The following WWC1 variants were observed in gnomAD, a reference collection of about 807,000 sequenced individuals.
WWC1 encodes the protein protein KIBRA.
Under a neutral mutation model 138.4 loss-of-function variants are expected in WWC1, and 55 were observed. That is an observed-to-expected ratio of 0.40 (90% CI 0.32 to 0.50). The LOEUF (loss-of-function observed/expected upper bound fraction) is 0.50, where lower values mean the gene tolerates loss of function less well. Ranked by LOEUF, WWC1 falls within the 20% of genes least tolerant of loss-of-function variation. The probability of loss-of-function intolerance (pLI) is 0.72; values close to 1 mark genes in which losing one functional copy is unlikely to be tolerated. For synonymous variants in WWC1, 524 were observed against 564.9 expected, an observed-to-expected ratio of 0.93 and a Z score of 1.03; for missense variants, 1,226 against 1,420.4, an observed-to-expected ratio of 0.86 and a Z score of 2.20.
At chr5:168,411,476 A>G (rs1220363839) in intron 8 of WWC1, among the ~76,000 whole-genome samples, 2 of 152,186 alleles carry the variant, frequency 1.3e-5, no homozygotes, top group Non-Finnish European at 2.9e-5. Context: ...AGAAAGCAAA[A>G]AAGGGAATGT....
chr5:168,306,342 G>A (rs2152744887), intron 1 of WWC1, among the ~76,000 whole-genome samples: 1 of 152,326 alleles, frequency 6.6e-6, no homozygotes, highest in South Asian at 2.1e-4. Flanking sequence ...GTTGCAGTGA[G>A]CTGAGATTGT....
intron 18 of WWC1, 118 bp from the exon 19 acceptor site, chr5:168,455,238 G>A (rs903272141): frequency 1.6e-6 from 2 of 1,282,632 alleles, no homozygotes; most frequent in South Asian, 1.6e-5. Flanking sequence ...GGAAACCCTG[G>A]TTGTGTCTGT....
intron 11 of WWC1, 57 bp from the exon 12 acceptor site, chr5:168,427,976 G>GA: frequency 6.8e-7 from 1 of 1,467,338 alleles, no homozygotes; most frequent in African/African-American, 1.4e-5. Context: ...ACAAAATTGG[G>GA]AGTCGCAAAG....
At chr5:168,434,496 C>T (rs1782197146) in intron 15 of WWC1, among the ~76,000 whole-genome samples, 1 of 152,210 alleles carries the variant, frequency 6.6e-6, no homozygotes. Context: ...GGGCTAAGAA[C>T]TTCATGTGCA....
At chr5:168,311,631 G>A (rs1771092559) in intron 1 of WWC1, among the ~76,000 whole-genome samples, 1 of 152,112 alleles carries the variant, frequency 6.6e-6, no homozygotes, top group Admixed American at 6.5e-5. Flanking sequence ...AGCACTTTGG[G>A]AGGCCAAGAC....
At chr5:168,370,895 G>A (rs145926208) in intron 1 of WWC1, among the ~76,000 whole-genome samples, 1 of 152,308 alleles carries the variant, frequency 6.6e-6, no homozygotes, top group East Asian at 1.9e-4. Context: ...AATAAATACT[G>A]CTCATTGGCC....
At chr5:168,396,697 C>G (rs958956449) in intron 3 of WWC1, among the ~76,000 whole-genome samples, 8 of 152,188 alleles carry the variant, frequency 5.3e-5, no homozygotes, top group Admixed American at 1.3e-4. Context: ...TCCTTATTTT[C>G]TCTTTGTCTA....
chr5:168,427,910 A>T (rs1467309957), intron 11 of WWC1, 123 bp from the exon 12 acceptor site: 2 of 704,414 alleles, frequency 2.8e-6, no homozygotes, highest in African/African-American at 3.5e-5. Context: ...GCAGTGAGCC[A>T]TGATTGTGCC....
intron 5 of WWC1, among the ~76,000 whole-genome samples, chr5:168,403,297 C>T (rs1182230448): frequency 6.6e-6 from 1 of 151,976 alleles, no homozygotes; most frequent in Non-Finnish European, 1.5e-5. Flanking sequence ...TGGGGTTTCA[C>T]TGTGTTAGCC....
chr5:168,400,276 C>T (rs1374180038), intron 5 of WWC1, among the ~76,000 whole-genome samples: 2 of 152,090 alleles, frequency 1.3e-5, no homozygotes, highest in Non-Finnish European at 2.9e-5. Context: ...TATTTCATCA[C>T]CCAGGTATTA....
chr5:168,405,961 A>T (rs898307215), intron 5 of WWC1, among the ~76,000 whole-genome samples: 2 of 151,966 alleles, frequency 1.3e-5, no homozygotes, highest in Non-Finnish European at 2.9e-5. Context: ...TCCTGGCCTC[A>T]AGTGATCCAC....
chr5:168,450,118 C>T (rs903480604), intron 17 of WWC1, among the ~76,000 whole-genome samples: 24 of 152,202 alleles, frequency 1.6e-4, no homozygotes, highest in Admixed American at 1.4e-3. Flanking sequence ...TCTTTTGGCT[C>T]AGTATGATAA....
chr5:168,403,871 T>TAGACACACAC (rs1244295959), intron 5 of WWC1, among the ~76,000 whole-genome samples: 4 of 134,368 alleles, frequency 3.0e-5, no homozygotes, highest in Non-Finnish European at 6.3e-5. Context: ...AACACATGCA[T>TAGACACACAC]ACACACACAC....
intron 1 of WWC1, among the ~76,000 whole-genome samples, chr5:168,343,392 A>G (rs566341843): frequency 8.5e-4 from 130 of 152,314 alleles, no homozygotes; most frequent in Non-Finnish European, 1.5e-3. Context: ...AAGAAAACTG[A>G]CACTCAAAGA....
chr5:168,360,650 A>C (rs1775814723), intron 1 of WWC1, among the ~76,000 whole-genome samples: 1 of 152,238 alleles, frequency 6.6e-6, no homozygotes, highest in Admixed American at 6.5e-5. Flanking sequence ...AAGGTCCAGC[A>C]ACAGGAGTGC....
At chr5:168,336,503 C>T (rs536025607) in intron 1 of WWC1, among the ~76,000 whole-genome samples, 14 of 135,846 alleles carry the variant, frequency 1.0e-4, no homozygotes, top group Non-Finnish European at 1.7e-4. Flanking sequence ...ACCCAGGAGG[C>T]GGAGGTTGCA....
intron 1 of WWC1, among the ~76,000 whole-genome samples, chr5:168,366,802 C>CTTTTTTTTTTTTTTTTTTTTTTTTT (rs202012790): frequency 2.0e-5 from 2 of 100,570 alleles, no homozygotes; most frequent in East Asian, 2.9e-4. Flanking sequence ...CTTTGAAACA[C>CTTTTTTTTTTTTTTTTTTTTTTTTT]TTTTTTTTTT....
chr5:168,376,722 C>G (rs1269095348), intron 2 of WWC1, among the ~76,000 whole-genome samples: 2 of 151,924 alleles, frequency 1.3e-5, no homozygotes, highest in Non-Finnish European at 2.9e-5. Flanking sequence ...TACATCTAGC[C>G]AAGGAGGTGA....
intron 20 of WWC1, among the ~76,000 whole-genome samples, chr5:168,463,294 C>A (rs1756978532): frequency 1.3e-5 from 2 of 152,160 alleles, no homozygotes; most frequent in South Asian, 4.1e-4. Flanking sequence ...ACTAAGGAAA[C>A]ATCTGATCCA....
Sources: allele counts gnomAD v4.1 joint callset (sites outside exome capture counted in the v4.1 genomes callset), GRCh38; gene constraint gnomAD v4.1.1; transcripts MANE v1.5; gene names NCBI Gene and HGNC (gene_info 2026-07-23, HGNC 2026-07-21).